GALNT13: variants seen among roughly 807,000 people sequenced by gnomAD.
GALNT13 encodes the protein UDP-GalNAc:polypeptide N-acetylgalactosaminyltransferase 13.
A neutral mutation model predicts 64.2 loss-of-function variants in GALNT13; 28 were observed. The observed-to-expected ratio is 0.44, with a 90% CI of 0.32 to 0.60. GALNT13 has a LOEUF of 0.60. GALNT13 is among the 20% of genes least tolerant of loss of function. The pLI is 0.05. For synonymous variants in GALNT13, 214 were observed against 224.6 expected (o/e 0.95, Z 0.42); for missense variants, 577 against 669.8 (o/e 0.86, Z 1.53).
chr2:153,527,089 A>G, the GALNT13 span, among the ~76,000 whole-genome samples: 9 of 152,170 alleles, frequency 5.9e-5, no homozygotes, highest in Non-Finnish European at 1.2e-4. Flanking sequence ...TTGGCCTTAA[A>G]GAGGAGGTAG....
Position 154,040,446 on chromosome 2 carries a change from A to C in GALNT13, c.142+95807A>C, listed in dbSNP as rs193267183. ...TTAATTGATAATGGTAAAGACTTTG[A>C]AATCATATTGTCTTGGTTCAATTTT... On this transcript the variant is annotated intron_variant, in intron 3 of 12. Coordinates refer to ENST00000392825, the MANE Select transcript of GALNT13 (RefSeq NM_052917.4). Among the ~76,000 whole-genome samples the C allele has an allele frequency of 1.1e-3, 158 of 140,868 alleles. 4 individuals carry two copies. The highest frequency in any genetic ancestry group is 3.7e-3 in the African/African-American group (150 of 41,048). The allele number at this position is 140,868 out of a possible 152,430, so 92.4% of individuals were successfully genotyped here. A position where few individuals can be genotyped will look rare whatever the true frequency, so the allele number is the denominator to read the frequency against.
chr2:154,348,802 G>A (rs867533738), intron 9 of GALNT13, among the ~76,000 whole-genome samples: 2 of 151,958 alleles, frequency 1.3e-5, no homozygotes, highest in African/African-American at 2.4e-5. Context: ...CTAGCGCTCC[G>A]GAGTTTGCAT....
chr2:153,310,367 C>T, the GALNT13 span, among the ~76,000 whole-genome samples: 2 of 152,084 alleles, frequency 1.3e-5, no homozygotes, highest in Non-Finnish European at 2.9e-5. Context: ...ATTATTAATA[C>T]AGCTGACCCT....
chr2:154,415,237 CTG>C (rs748357215), intron 11 of GALNT13, among the ~76,000 whole-genome samples: 3 of 151,994 alleles, frequency 2.0e-5, no homozygotes, highest in Non-Finnish European at 4.4e-5. Context: ...AAACTAATCA[CTG>C]TAACAATTTT....
intron 3 of GALNT13, among the ~76,000 whole-genome samples, chr2:154,006,558 A>T (rs1193644188): frequency 6.6e-6 from 1 of 152,224 alleles, no homozygotes; most frequent in Non-Finnish European, 1.5e-5. Context: ...TTCCAATAAC[A>T]GTGGATTATC....
chr2:154,425,922 A>G (rs1322579134), intron 11 of GALNT13, among the ~76,000 whole-genome samples: 1 of 152,176 alleles, frequency 6.6e-6, no homozygotes, highest in African/African-American at 2.4e-5. Flanking sequence ...TAGTTTTTGC[A>G]TGTTTCCTTT....
chr2:153,068,386 T>A, the GALNT13 span, among the ~76,000 whole-genome samples: 5,793 of 152,296 alleles, frequency 0.038, 197 homozygotes, highest in East Asian at 0.17. Flanking sequence ...TCAATTATTA[T>A]TGCTTTGCAG....
At chr2:153,859,687 A>G in the GALNT13 span, among the ~76,000 whole-genome samples, 3 of 152,204 alleles carry the variant, frequency 2.0e-5, no homozygotes, top group Non-Finnish European at 4.4e-5. Context: ...AACCACACAG[A>G]TGGTGGCTAT....
chr2:153,716,140 A>G, the GALNT13 span, among the ~76,000 whole-genome samples: 2 of 152,138 alleles, frequency 1.3e-5, no homozygotes, highest in Non-Finnish European at 2.9e-5. Context: ...AGGGCCTATC[A>G]CTGTAAAGTA....
At chr2:153,208,344 G>A in the GALNT13 span, among the ~76,000 whole-genome samples, 1 of 151,962 alleles carries the variant, frequency 6.6e-6, no homozygotes, top group East Asian at 1.9e-4. Context: ...TCTGATCTTT[G>A]TACGTATAGT....
chr2:153,582,373 T>C, the GALNT13 span, among the ~76,000 whole-genome samples: 4 of 152,160 alleles, frequency 2.6e-5, no homozygotes, highest in Non-Finnish European at 4.4e-5. Flanking sequence ...ATATGTGTTA[T>C]TGAATGTTGA....
chr2:153,498,043 A>G, the GALNT13 span, among the ~76,000 whole-genome samples: 26 of 152,322 alleles, frequency 1.7e-4, no homozygotes, highest in South Asian at 5.2e-3. Flanking sequence ...GCTGTCGGGA[A>G]ATGTGCCTGG....
At chr2:153,737,248 G>A in the GALNT13 span, among the ~76,000 whole-genome samples, 1 of 152,086 alleles carries the variant, frequency 6.6e-6, no homozygotes. Context: ...GAACCTAAGA[G>A]GTCCTTATGA....
intron 3 of GALNT13, among the ~76,000 whole-genome samples, chr2:153,987,330 A>G (rs16835616): frequency 0.048 from 7,353 of 151,974 alleles, 241 homozygotes; most frequent in South Asian, 0.11. Flanking sequence ...TGAGAGCCTC[A>G]TAATTCATCT....
intron 2 of GALNT13, among the ~76,000 whole-genome samples, chr2:153,927,696 T>G (rs1254888568): frequency 2.0e-5 from 3 of 152,084 alleles, no homozygotes; most frequent in Non-Finnish European, 4.4e-5. Flanking sequence ...TGTAATTATT[T>G]ACTTCTTTCC....
At chr2:153,095,222 G>A in the GALNT13 span, among the ~76,000 whole-genome samples, 1 of 152,060 alleles carries the variant, frequency 6.6e-6, no homozygotes, top group Non-Finnish European at 1.5e-5. Flanking sequence ...TCAAAAATTG[G>A]GCAAAGGATA....
At chr2:153,403,802 T>A in the GALNT13 span, among the ~76,000 whole-genome samples, 11 of 152,232 alleles carry the variant, frequency 7.2e-5, no homozygotes, top group East Asian at 1.2e-3. Flanking sequence ...CACGGTGTGC[T>A]CACCCACTGA....
chr2:153,872,502 CG>C (rs1686022275), intron 1 of GALNT13, among the ~76,000 whole-genome samples, 199 bp downstream of exon 1: 1 of 151,854 alleles, frequency 6.6e-6, no homozygotes, highest in Admixed American at 6.6e-5. Context: ...CCGGGAGCTC[CG>C]AGTGCGCTCG....
chr2:154,053,443 A>G (rs971867204), intron 3 of GALNT13, among the ~76,000 whole-genome samples: 1 of 151,472 alleles, frequency 6.6e-6, no homozygotes, highest in Non-Finnish European at 1.5e-5. Context: ...AAATTTATTG[A>G]ATGACTTTTA....
Sources: gnomAD v4.1 joint callset for allele counts (sites outside exome capture counted in the v4.1 genomes callset) on GRCh38, gnomAD v4.1.1 for gene constraint, MANE v1.5 for transcripts, NCBI Gene and HGNC (gene_info 2026-07-23, HGNC 2026-07-21) for gene names.